SLCO1C1: variants seen among roughly 807,000 people sequenced by gnomAD.
SLCO1C1 encodes the protein solute carrier organic anion transporter family member 1C1.
Under a neutral mutation model 76.4 loss-of-function variants are expected in SLCO1C1, and 70 were observed. The ratio of observed to expected loss-of-function variants is 0.92; its 90% CI spans 0.76 to 1.12. The LOEUF (loss-of-function observed/expected upper bound fraction) is 1.12. SLCO1C1 is among the 50% of genes most tolerant of loss of function. SLCO1C1 has a pLI of 0.00. For synonymous variants in SLCO1C1, 306 were observed against 286.1 expected (o/e 1.07, Z -0.70); for missense variants, 912 against 823.8 (o/e 1.11, Z -1.31).
At chr12:20,740,656 G>A (rs1288430807) in intron 12 of SLCO1C1, among the ~76,000 whole-genome samples, 5 of 150,802 alleles carry the variant, frequency 3.3e-5, no homozygotes, top group African/African-American at 7.3e-5. Flanking sequence ...TACTTCTAAC[G>A]CTGGTGATAA....
chr12:20,715,543 C>T (rs1947324628), intron 6 of SLCO1C1, among the ~76,000 whole-genome samples: 1 of 152,148 alleles, frequency 6.6e-6, no homozygotes, highest in South Asian at 2.1e-4. Flanking sequence ...GACGTATGAC[C>T]TTGTGAAAGT....
chr12:20,697,038 A>G (rs983425792), intron 1 of SLCO1C1: 1 of 152,024 alleles, frequency 6.6e-6, no homozygotes, highest in African/African-American at 2.4e-5. Context: ...ACACCTCCAT[A>G]TATTAGATAA....
At chr12:20,750,646 T>C (rs371000253) in intron 13 of SLCO1C1, 29 bp from the exon 14 acceptor site, 3 of 1,593,592 alleles carry the variant, frequency 1.9e-6, no homozygotes, top group Admixed American at 3.3e-5. Flanking sequence ...GCATATGTTT[T>C]TAACAGCAAT....
intron 10 of SLCO1C1, among the ~76,000 whole-genome samples, chr12:20,735,991 A>T (rs1360207178): frequency 1.3e-5 from 2 of 152,138 alleles, no homozygotes; most frequent in East Asian, 3.9e-4. Context: ...CTTTATAAAA[A>T]ATGGGAGGAA....
chr12:20,732,525 A>G (rs968073861), intron 9 of SLCO1C1, among the ~76,000 whole-genome samples: 1 of 152,176 alleles, frequency 6.6e-6, no homozygotes, highest in Non-Finnish European at 1.5e-5. Context: ...GAAAATAGAA[A>G]CCAAGACTAA....
At position 20,740,196 on chromosome 12, in the gene SLCO1C1, T is replaced by G; in HGVS notation, c.1561T>G (p.Cys521Gly). 2.5e-6 allele frequency: 4 copies of G among 1,611,084 alleles called. No individual in the cohort carries two copies. Among genetic ancestry groups the G allele is most frequent in the Non-Finnish European group, 3.4e-6 (4 of 1,179,096 alleles). Residue 521 changes from cysteine (C) to glycine (G), a missense_variant, in exon 12 of 15, where the codon TGC becomes GGC. Coordinates refer to ENST00000266509, the MANE Select transcript of SLCO1C1 (RefSeq NM_017435.5). ...TATCGTGTTACAGATATTTTACAAC[T>G]GCACTTGTGTGGGAATTGCAGCTTC... is the stretch of plus-strand genomic sequence containing the variant. ...RSGKNIIFYN[C>G]TCVGIAASKS...
chr12:20,696,542 A>T (rs893686481), intron 1 of SLCO1C1, among the ~76,000 whole-genome samples: 2 of 152,066 alleles, frequency 1.3e-5, no homozygotes, highest in African/African-American at 4.8e-5. Flanking sequence ...CTGATTATTC[A>T]ATGTTTTTGA....
intron 9 of SLCO1C1, 78 bp downstream of exon 9, chr12:20,723,332 G>A: frequency 6.6e-7 from 1 of 1,519,412 alleles, no homozygotes; most frequent in Non-Finnish European, 8.9e-7. Flanking sequence ...TCTTCGAGAA[G>A]ATTCTTCCAA....
chr12:20,712,170 G>A (rs1423681594), intron 5 of SLCO1C1, among the ~76,000 whole-genome samples: 1 of 152,036 alleles, frequency 6.6e-6, no homozygotes, highest in Non-Finnish European at 1.5e-5. Context: ...TTAGATACAT[G>A]GAAATAACTC....
intron 3 of SLCO1C1, among the ~76,000 whole-genome samples, chr12:20,704,103 A>T (rs909899057): frequency 1.3e-5 from 2 of 151,544 alleles, no homozygotes; most frequent in African/African-American, 4.8e-5. Context: ...GATGGTAGAT[A>T]TGGAATAATT....
At chr12:20,736,926 T>A (rs1461636634) in intron 10 of SLCO1C1, among the ~76,000 whole-genome samples, 181 bp from the exon 11 acceptor site, 2 of 152,216 alleles carry the variant, frequency 1.3e-5, no homozygotes, top group African/African-American at 4.8e-5. Flanking sequence ...AAGAGAAAGC[T>A]GTTTATTAGT....
intron 11 of SLCO1C1, among the ~76,000 whole-genome samples, chr12:20,738,241 A>C (rs1274879654): frequency 2.0e-5 from 3 of 152,164 alleles, no homozygotes; most frequent in Non-Finnish European, 4.4e-5. Flanking sequence ...ATTGTGAAGG[A>C]TGTAAAGTAC....
chr12:20,724,429 ATATATATATATATATATATATATG>A (rs1947843778), intron 9 of SLCO1C1, among the ~76,000 whole-genome samples: 2 of 122,716 alleles, frequency 1.6e-5, no homozygotes, highest in African/African-American at 6.5e-5. Context: ...ATATATATAT[ATATATATATATATATATATATATG>A]TGTGTGTGTG....
intron 13 of SLCO1C1, 60 bp from the exon 14 acceptor site, chr12:20,750,615 C>A: frequency 6.8e-7 from 1 of 1,473,680 alleles, no homozygotes; most frequent in South Asian, 1.2e-5. Flanking sequence ...TTCAGATAAT[C>A]GTTCATAGAC....
In SLCO1C1 at chr12:20,715,352, T is replaced by C. The variant is rs992965053; in HGVS notation, c.676+67T>C. On this transcript the variant is annotated intron_variant, in intron 6 of 14. Coordinates refer to ENST00000266509, the MANE Select transcript of SLCO1C1 (RefSeq NM_017435.5). The stretch of plus-strand genomic sequence containing the variant: ...GGGTGTCTAGTTTTCTGAATTCCCC[T>C]CTATGCTAAATTAAGTGGGGAAGCT... 9.6e-6 allele frequency: 15 copies of C among 1,557,358 alleles called. No homozygotes were observed. The African/African-American group carries it at 2.1e-4, about 21-fold the overall frequency.
chr12:20,722,414 T>A lies in SLCO1C1; in HGVS notation c.1021+365T>A, dbSNP rs145079425. ...ATAAGATCTATTCATTTGAGAGATGTGTATCAATGCATGTCTCTCACCAAT... is the reference window on the plus strand; with the variant it reads ...ATAAGATCTATTCATTTGAGAGATGAGTATCAATGCATGTCTCTCACCAAT... On this transcript the variant is annotated intron_variant, in intron 8 of 14. Coordinates refer to ENST00000266509, the MANE Select transcript of SLCO1C1 (RefSeq NM_017435.5). Among the ~76,000 whole-genome samples, 5 of 152,332 alleles carry A rather than the reference T, an allele frequency of 3.3e-5. No individual in the cohort carries two copies. The East Asian group carries it at 7.7e-4, about 24-fold the overall frequency.
chr12:20,733,577 A>G (rs1592300904), intron 10 of SLCO1C1, among the ~76,000 whole-genome samples: 1 of 152,204 alleles, frequency 6.6e-6, no homozygotes, highest in African/African-American at 2.4e-5. Flanking sequence ...CCATTCATGG[A>G]AACAATTGTT....
At chr12:20,705,927 T>C (rs757424194) in intron 3 of SLCO1C1, 22 bp from the exon 4 acceptor site, 52 of 1,610,220 alleles carry the variant, frequency 3.2e-5, no homozygotes, top group Middle Eastern at 1.7e-4. Context: ...TAATTTATGA[T>C]GTTTTATTCT....
chr12:20,736,816 G>A (rs543499936), intron 10 of SLCO1C1, among the ~76,000 whole-genome samples: 1 of 152,148 alleles, frequency 6.6e-6, no homozygotes, highest in South Asian at 2.1e-4. Flanking sequence ...ATACACCTTT[G>A]CACAGAAGTA....
Sources: gnomAD v4.1 joint callset for allele counts (sites outside exome capture counted in the v4.1 genomes callset) on GRCh38, gnomAD v4.1.1 for gene constraint, MANE v1.5 for transcripts, NCBI Gene and HGNC (gene_info 2026-07-23, HGNC 2026-07-21) for gene names.